FAM120B: variants seen among roughly 807,000 people sequenced by gnomAD.
FAM120B encodes constitutive coactivator of peroxisome proliferator-activated receptor gamma.
A neutral mutation model predicts 96.3 loss-of-function variants in FAM120B; 83 were observed. That is an observed-to-expected ratio of 0.86 (90% confidence interval 0.72 to 1.03). FAM120B has a LOEUF of 1.03. Ranked by LOEUF, FAM120B falls within the 50% of genes least tolerant of loss-of-function variation. The probability of loss-of-function intolerance (pLI) is 0.00; values close to 1 mark genes in which losing one functional copy is unlikely to be tolerated. For synonymous variants in FAM120B, 407 were observed against 402.7 expected (o/e 1.01, Z -0.13); for missense variants, 1,027 against 1,121.2 (o/e 0.92, Z 1.20).
intron 6 of FAM120B, among the ~76,000 whole-genome samples, chr6:170,365,096 C>A (rs1023714505): frequency 6.6e-6 from 1 of 152,214 alleles, no homozygotes; most frequent in East Asian, 1.9e-4. Flanking sequence ...CTGCCGAAAC[C>A]CCCAGTCAGG....
chr6:170,383,455 C>T (rs1429230149), intron 6 of FAM120B, among the ~76,000 whole-genome samples: 1 of 152,138 alleles, frequency 6.6e-6, no homozygotes, highest in African/African-American at 2.4e-5. Context: ...AATCTCAGAA[C>T]TCAACATTAA....
chr6:170,290,949 G>A (rs1423661315), upstream of FAM120B: 19 of 699,938 alleles, frequency 2.7e-5, no homozygotes, highest in Non-Finnish European at 5.0e-5. This position sits in a 1 kb window ranked among gnomAD's most constrained non-coding sequence, Gnocchi z 4.7. Context: ...GGCGCCTGCC[G>A]CCCTTATATT....
intron 9 of FAM120B, among the ~76,000 whole-genome samples, chr6:170,401,969 G>A (rs1778605980): frequency 6.6e-6 from 1 of 152,202 alleles, no homozygotes; most frequent in African/African-American, 2.4e-5. Context: ...TCCCCAAGAG[G>A]CACTCTCTCT....
At chr6:170,338,218 C>G (rs780740871) in intron 4 of FAM120B, among the ~76,000 whole-genome samples, 2 of 152,172 alleles carry the variant, frequency 1.3e-5, no homozygotes, top group African/African-American at 4.8e-5. Context: ...CCTAGAGATT[C>G]TGGTACGTTG....
chr6:170,345,263 T>C (rs1205617253), intron 4 of FAM120B, among the ~76,000 whole-genome samples: 2 of 152,152 alleles, frequency 1.3e-5, no homozygotes, highest in African/African-American at 4.8e-5. Context: ...TCCATGAAAA[T>C]TTATTAATGC....
chr6:170,296,622 T>A (rs964282333), intron 1 of FAM120B, among the ~76,000 whole-genome samples: 5 of 151,598 alleles, frequency 3.3e-5, no homozygotes, highest in African/African-American at 1.2e-4. Flanking sequence ...CTCGGAGCCC[T>A]GGGGGCCGGG....
chr6:170,376,579 A>G (rs1282041871), intron 6 of FAM120B, among the ~76,000 whole-genome samples: 2 of 152,118 alleles, frequency 1.3e-5, no homozygotes, highest in Non-Finnish European at 2.9e-5. Flanking sequence ...TATGCAAGAA[A>G]AGACCGGTAA....
chr6:170,324,665 A>G (rs1785486513), intron 3 of FAM120B, among the ~76,000 whole-genome samples: 1 of 152,216 alleles, frequency 6.6e-6, no homozygotes, highest in Admixed American at 6.5e-5. Context: ...GACCAAGTGG[A>G]TAACTTTATT....
At chr6:170,312,427 A>G (rs1292432980) in intron 1 of FAM120B, among the ~76,000 whole-genome samples, 3 of 152,242 alleles carry the variant, frequency 2.0e-5, no homozygotes, top group African/African-American at 4.8e-5. Flanking sequence ...ATTGATAAAC[A>G]TGTTTGATGA....
In FAM120B at chr6:170,348,263, G is replaced by C; in HGVS notation, c.2130G>C (p.Leu710=). The C allele has an allele frequency of 6.2e-7, 1 of 1,613,974 alleles. No homozygotes were observed. The highest frequency in any genetic ancestry group is 8.5e-7 in the Non-Finnish European group (1 of 1,179,948). Reference sequence around the variant, plus strand: ...ATCTTTCCTCCTCAAGAGAAGAGCTGCAGGCTGTCGAAAGCCCATTTCAAG... The same window carrying C: ...ATCTTTCCTCCTCAAGAGAAGAGCTCCAGGCTGTCGAAAGCCCATTTCAAG... ...CFNLSSSREE[L]QAVESPFQAL... The change falls in exon 5 of 11, where the codon CTG becomes CTC. Residue 710 remains leucine, a synonymous_variant. Coordinates refer to ENST00000476287, the MANE Select transcript of FAM120B (RefSeq NM_032448.3).
upstream of FAM120B, chr6:170,295,229 G>T: frequency 1.8e-6 from 1 of 557,544 alleles, no homozygotes; most frequent in South Asian, 2.2e-5. This position sits in a 1 kb window ranked among gnomAD's most constrained non-coding sequence, Gnocchi z 7.8. Flanking sequence ...TTGGACACGT[G>T]AACATAGACC....
intron 6 of FAM120B, among the ~76,000 whole-genome samples, chr6:170,375,638 T>A (rs1789464196): frequency 6.6e-6 from 1 of 152,206 alleles, no homozygotes; most frequent in South Asian, 2.1e-4. Context: ...CAGTAGAAAT[T>A]TGAATTCCTG....
chr6:170,381,780 G>C (rs1789916718), intron 6 of FAM120B, among the ~76,000 whole-genome samples: 1 of 150,674 alleles, frequency 6.6e-6, no homozygotes, highest in African/African-American at 2.4e-5. Flanking sequence ...AAAAGGATTT[G>C]ACAAAATTCA....
chr6:170,360,454 C>A (rs1171162779), intron 6 of FAM120B, among the ~76,000 whole-genome samples: 1 of 152,174 alleles, frequency 6.6e-6, no homozygotes. Context: ...GTCCGGGGTT[C>A]TGGCCATGCT....
chr6:170,327,240 G>GA (rs1785652623), intron 3 of FAM120B, among the ~76,000 whole-genome samples: 1 of 151,866 alleles, frequency 6.6e-6, no homozygotes, highest in African/African-American at 2.4e-5. Flanking sequence ...GAGAGACGGG[G>GA]TTTCACTGTG....
chr6:170,297,074 A>G (rs1784031291), intron 1 of FAM120B, among the ~76,000 whole-genome samples: 1 of 152,182 alleles, frequency 6.6e-6, no homozygotes, highest in Non-Finnish European at 1.5e-5. Flanking sequence ...CCCAGAGCTC[A>G]GAGGCTCGCA....
intron 1 of FAM120B, among the ~76,000 whole-genome samples, chr6:170,314,848 G>T (rs75116010): frequency 6.6e-6 from 1 of 152,126 alleles, no homozygotes; most frequent in African/African-American, 2.4e-5. Context: ...CAAAACCTTT[G>T]CTATCCCAAT....
At position 170,390,892 on chromosome 6, in the gene FAM120B, T is replaced by C; in HGVS notation, c.2491-121T>C. On this transcript the variant is annotated intron_variant, in intron 7 of 10. Transcript: ENST00000476287. ...GTCTGGGAGGAGGGTGCAGCCACCATTGCTGCCTCGCCTTGGGAACAGTGT... is the reference window on the plus strand; with the variant it reads ...GTCTGGGAGGAGGGTGCAGCCACCACTGCTGCCTCGCCTTGGGAACAGTGT... The C allele has an allele frequency of 3.9e-6, 3 of 765,262 alleles. 1 individual carries two copies. The South Asian group carries it at 4.6e-5, about 12-fold the overall frequency. 47.4% of individuals were successfully genotyped at this position (765,262 alleles called of 1,614,324 possible). A position where few individuals can be genotyped will look rare whatever the true frequency, so the allele number is the denominator to read the frequency against.
chr6:170,320,504 G>A (rs1196545359), intron 2 of FAM120B, among the ~76,000 whole-genome samples: 2 of 152,234 alleles, frequency 1.3e-5, no homozygotes, highest in African/African-American at 4.8e-5. Context: ...TGTTTCAGAA[G>A]TGAAACTAAT....
Sources: allele counts gnomAD v4.1 joint callset (sites outside exome capture counted in the v4.1 genomes callset), GRCh38; gene constraint gnomAD v4.1.1; non-coding constraint Gnocchi (gnomAD v3.1); transcripts MANE v1.5; gene names NCBI Gene and HGNC (gene_info 2026-07-23, HGNC 2026-07-21).